FBXL2: variants seen among roughly 807,000 people sequenced by gnomAD.
FBXL2 encodes the protein F-box and leucine rich repeat protein 2.
Under a neutral mutation model 69.2 loss-of-function variants are expected in FBXL2, and 38 were observed. That is an observed-to-expected ratio of 0.55 (90% confidence interval 0.42 to 0.72). The LOEUF (loss-of-function observed/expected upper bound fraction) is 0.72, where lower values mean the gene tolerates loss of function less well. Ranked by LOEUF, FBXL2 falls within the 30% of genes least tolerant of loss-of-function variation. The probability of loss-of-function intolerance (pLI) is 0.00; values close to 1 mark genes in which losing one functional copy is unlikely to be tolerated. For synonymous variants in FBXL2, 192 were observed against 201.3 expected (o/e 0.95, Z 0.39); for missense variants, 354 against 520.3 (o/e 0.68, Z 3.11).
chr3:33,413,157 C>A, the FBXL2 span, among the ~76,000 whole-genome samples: 3 of 152,048 alleles, frequency 2.0e-5, 1 homozygote, highest in South Asian at 6.2e-4. Context: ...AAAGAAAATA[C>A]CAGATGCACA....
intron 12 of FBXL2, chr3:33,403,198 T>C: frequency 3.3e-6 from 1 of 301,966 alleles, no homozygotes; most frequent in South Asian, 2.8e-5. Flanking sequence ...TTTGAAGAGC[T>C]TTCTCCTCCC....
chr3:33,407,956 A>C (rs2044470939), downstream of FBXL2, among the ~76,000 whole-genome samples: 1 of 152,232 alleles, frequency 6.6e-6, no homozygotes. Context: ...TCATAAAATA[A>C]AGATTTGCTA....
chr3:33,403,584 G>GTCTGTCTGTCTATCTATCTA (rs60697427), exon 13 of FBXL2: 7 of 148,994 alleles, frequency 4.7e-5, no homozygotes, highest in African/African-American at 1.5e-4. Flanking sequence ...CTGTCTGTCT[G>GTCTGTCTGTCTATCTATCTA]TCTATCTATC....
At chr3:33,335,589 G>A (rs2039513535) in intron 2 of FBXL2, among the ~76,000 whole-genome samples, 1 of 152,122 alleles carries the variant, frequency 6.6e-6, no homozygotes, top group African/African-American at 2.4e-5. Flanking sequence ...AAAATACACT[G>A]TTATTCTGGT....
At chr3:33,409,390 C>T in the FBXL2 span, 3 of 1,613,896 alleles carry the variant, frequency 1.9e-6, no homozygotes, top group Non-Finnish European at 2.5e-6. Context: ...GCTGCAGACA[C>T]ACAGCTTTAC....
chr3:33,330,406 G>A (rs2039057361), intron 2 of FBXL2, among the ~76,000 whole-genome samples: 1 of 152,144 alleles, frequency 6.6e-6, no homozygotes, highest in Admixed American at 6.5e-5. Context: ...TATACAGTTA[G>A]AAGAAATAAT....
chr3:33,388,645 A>G (rs2154053660), downstream of FBXL2: 1 of 152,354 alleles, frequency 6.6e-6, no homozygotes, highest in East Asian at 1.9e-4. Flanking sequence ...AACGAGATAA[A>G]CTCACTTCTT....
chr3:33,389,624 A>G (rs535540231), downstream of FBXL2: 3 of 152,390 alleles, frequency 2.0e-5, no homozygotes, highest in Middle Eastern at 6.8e-3. Context: ...AAGTTTTTCA[A>G]TAAATCTGTG....
intron 2 of FBXL2, among the ~76,000 whole-genome samples, chr3:33,357,719 T>C (rs985863755): frequency 3.3e-5 from 5 of 151,976 alleles, no homozygotes; most frequent in South Asian, 4.1e-4. Flanking sequence ...TTAGTAGAGA[T>C]GGGGTTTCAC....
the FBXL2 span, among the ~76,000 whole-genome samples, chr3:33,413,520 C>T: frequency 0.011 from 1,459 of 136,330 alleles, 23 homozygotes; most frequent in African/African-American, 0.039. Context: ...GCACTCCAGC[C>T]TAGGTGACAG....
At chr3:33,360,760 A>T in intron 4 of FBXL2, among the ~76,000 whole-genome samples, 1 of 152,042 alleles carries the variant, frequency 6.6e-6, no homozygotes. Flanking sequence ...AGGACATTTA[A>T]TTTCTAAAAA....
downstream of FBXL2, among the ~76,000 whole-genome samples, chr3:33,403,867 TCA>T: frequency 6.6e-6 from 1 of 152,226 alleles, no homozygotes; most frequent in Non-Finnish European, 1.5e-5. Context: ...ATCTGAGGAC[TCA>T]GTTTCAAGGG....
chr3:33,418,822 G>A, the FBXL2 span, among the ~76,000 whole-genome samples: 1 of 137,372 alleles, frequency 7.3e-6, no homozygotes, highest in African/African-American at 2.8e-5. Context: ...TTGCACCGCT[G>A]CACTACAGCC....
At chr3:33,299,144 C>T (rs992020587) in intron 2 of FBXL2, among the ~76,000 whole-genome samples, 3 of 151,940 alleles carry the variant, frequency 2.0e-5, no homozygotes, top group Admixed American at 6.6e-5. Context: ...CAGGTTCAAG[C>T]GATTCTCCTG....
intron 2 of FBXL2, among the ~76,000 whole-genome samples, chr3:33,310,122 G>C (rs545421766): frequency 2.6e-5 from 4 of 152,032 alleles, no homozygotes; most frequent in African/African-American, 9.6e-5. Flanking sequence ...AATTATTGTA[G>C]CTATATTTAT....
intron 2 of FBXL2, among the ~76,000 whole-genome samples, chr3:33,343,566 T>G (rs930888854): frequency 1.3e-5 from 2 of 152,118 alleles, no homozygotes; most frequent in African/African-American, 4.8e-5. Flanking sequence ...ATACAATATT[T>G]AGGAGTCTAT....
At chr3:33,328,302 A>G (rs1297306690) in intron 2 of FBXL2, among the ~76,000 whole-genome samples, 1 of 152,202 alleles carries the variant, frequency 6.6e-6, no homozygotes, top group Non-Finnish European at 1.5e-5. Flanking sequence ...ATTCAATGCA[A>G]TTTCTATCAA....
chr3:33,361,005 C>T (rs1316714022), intron 4 of FBXL2, among the ~76,000 whole-genome samples: 1 of 137,336 alleles, frequency 7.3e-6, no homozygotes, highest in Non-Finnish European at 1.5e-5. Flanking sequence ...GGTCTCGGCT[C>T]ACTGCAAACT....
intron 2 of FBXL2, chr3:33,303,179 G>A: frequency 2.2e-6 from 1 of 456,304 alleles, no homozygotes. Flanking sequence ...CTCTTTTGGG[G>A]GTACATGCTT....
Sources: gnomAD v4.1 joint callset for allele counts (sites outside exome capture counted in the v4.1 genomes callset) on GRCh38, gnomAD v4.1.1 for gene constraint, MANE v1.5 for transcripts, NCBI Gene and HGNC (gene_info 2026-07-23, HGNC 2026-07-21) for gene names.